B4GALT1: variants seen among roughly 807,000 people sequenced by gnomAD.
B4GALT1 encodes the protein beta-1,4-galactosyltransferase 1.
B4GALT1 carries 16 observed loss-of-function variants against 34.9 expected under a neutral mutation model. The observed-to-expected ratio is 0.46, with a 90% CI of 0.31 to 0.70. The LOEUF is 0.70. Among genes scored for constraint, B4GALT1 ranks in the 30% least tolerant of loss-of-function variants. The pLI, the probability that B4GALT1 is intolerant of heterozygous loss-of-function variation, is 0.05. For missense variants in B4GALT1, 445 were observed against 530.5 expected, an observed-to-expected ratio of 0.84 and a Z score of 1.58; for synonymous variants, 221 against 218.1, an observed-to-expected ratio of 1.01 and a Z score of -0.12.
intron 2 of B4GALT1, among the ~76,000 whole-genome samples, chr9:33,131,873 C>A (rs1026748145): frequency 6.6e-6 from 1 of 152,056 alleles, no homozygotes; most frequent in African/African-American, 2.4e-5. Flanking sequence ...TTCAGGTTTC[C>A]CATTACCATT....
At chr9:33,148,714 G>T (rs1159772920) in intron 1 of B4GALT1, among the ~76,000 whole-genome samples, 1 of 151,734 alleles carries the variant, frequency 6.6e-6, no homozygotes, top group Non-Finnish European at 1.5e-5. Context: ...CTACTAAAAG[G>T]AACTAGAGCT....
downstream of B4GALT1, among the ~76,000 whole-genome samples, chr9:33,107,514 G>T (rs1839807014): frequency 6.6e-6 from 1 of 152,190 alleles, no homozygotes; most frequent in Admixed American, 6.5e-5. Flanking sequence ...CCCAGGGGCA[G>T]CCGCCTCCTT....
rs940076456 is a variant in B4GALT1 at position 33,116,184 on chromosome 9, C to T, written c.837-71G>A. The T allele has an allele frequency of 6.4e-6, 10 of 1,555,728 alleles. No homozygotes were observed. The Admixed American group carries it at 1.4e-4, about 21-fold the overall frequency. ...TCTGACATCCCCAAAATAAAGCTTG[C>T]TGAGAACATAAACACTTTTAAAGTT... On this transcript the variant is annotated intron_variant, in intron 3 of 5. Transcript: ENST00000379731.
chr9:33,177,395 A>T, the B4GALT1 span: 1 of 152,120 alleles, frequency 6.6e-6, no homozygotes, highest in Non-Finnish European at 1.5e-5. Context: ...TCTGGGTGTT[A>T]ATTTGTTTTA....
intron 2 of B4GALT1, among the ~76,000 whole-genome samples, chr9:33,125,598 T>C (rs1840079618): frequency 6.6e-6 from 1 of 152,142 alleles, no homozygotes; most frequent in Non-Finnish European, 1.5e-5. Flanking sequence ...TCCACTTCCA[T>C]GCCCCACCTG....
the B4GALT1 span, among the ~76,000 whole-genome samples, chr9:33,183,270 TA>T: frequency 5.3e-5 from 8 of 151,504 alleles, no homozygotes; most frequent in Admixed American, 3.3e-4. Flanking sequence ...GGTTATCAAA[TA>T]AAAAAAACAT....
the B4GALT1 span, chr9:33,178,782 G>A: frequency 2.0e-5 from 3 of 152,240 alleles, no homozygotes; most frequent in East Asian, 5.8e-4. Context: ...TCTTAAAATT[G>A]TTGGAATATC....
chr9:33,105,846 A>G (rs1839791660), downstream of B4GALT1, among the ~76,000 whole-genome samples: 2 of 136,852 alleles, frequency 1.5e-5, no homozygotes, highest in South Asian at 4.6e-4. Context: ...GTATGTATAT[A>G]CCGCCTTTTG....
intron 1 of B4GALT1, among the ~76,000 whole-genome samples, chr9:33,154,075 A>C (rs1840563404): frequency 6.6e-6 from 1 of 151,318 alleles, no homozygotes; most frequent in Non-Finnish European, 1.5e-5. Context: ...AAGACTACAG[A>C]CCACTATCTG....
intron 3 of B4GALT1, among the ~76,000 whole-genome samples, chr9:33,119,504 C>T (rs952106375): frequency 6.6e-6 from 1 of 152,196 alleles, no homozygotes; most frequent in African/African-American, 2.4e-5. Context: ...ATCACTTGAG[C>T]CCAAGAGTTC....
chr9:33,109,824 G>A (rs78010870), downstream of B4GALT1, among the ~76,000 whole-genome samples: 4,030 of 152,026 alleles, frequency 0.027, 107 homozygotes, highest in East Asian at 0.11. Flanking sequence ...GCTTGTTGGT[G>A]GGGAGAAATC....
intron 3 of B4GALT1, among the ~76,000 whole-genome samples, chr9:33,118,123 G>A (rs1839966206): frequency 6.6e-6 from 1 of 152,214 alleles, no homozygotes; most frequent in African/African-American, 2.4e-5. Context: ...TGTGTTTCAA[G>A]AGAAGAAGAT....
At chr9:33,174,568 A>C in the B4GALT1 span, among the ~76,000 whole-genome samples, 1 of 150,024 alleles carries the variant, frequency 6.7e-6, no homozygotes, top group African/African-American at 2.5e-5. Context: ...AGAATCGCTT[A>C]AACCTGGGAG....
intron 2 of B4GALT1, among the ~76,000 whole-genome samples, chr9:33,132,912 T>C (rs1840214670): frequency 1.3e-5 from 2 of 152,134 alleles, no homozygotes. Flanking sequence ...TTATTTATTT[T>C]ATTTTTTTGA....
chr9:33,120,337 T>C, intron 3 of B4GALT1, 82 bp downstream of exon 3: 1 of 1,523,920 alleles, frequency 6.6e-7, no homozygotes, highest in Non-Finnish European at 9.1e-7. Flanking sequence ...AAAGAGGCAC[T>C]CTTGAGCTGC....
Position 33,112,710 on chromosome 9 carries a change from C to T in B4GALT1, c.*744G>A, listed in dbSNP as rs1158651915. The T allele has an allele frequency of 2.6e-5, 4 of 152,696 alleles. No individual in the cohort carries two copies. Among genetic ancestry groups the T allele is most frequent in the East Asian group, 1.9e-4 (1 of 5,190 alleles). 9.5% of individuals were successfully genotyped at this position (152,696 alleles called of 1,614,324 possible). On this transcript the variant is annotated 3_prime_UTR_variant, in exon 6 of 6. Coordinates refer to ENST00000379731, the MANE Select transcript of B4GALT1 (RefSeq NM_001497.4). The stretch of plus-strand genomic sequence containing the variant: ...ATCAAGCTAGATCATAATTAGAACT[C>T]GATCTGTTCTTTCTTTAAAATACTA...
chr9:33,124,038 C>T (rs1225497848), intron 2 of B4GALT1, among the ~76,000 whole-genome samples: 2 of 152,250 alleles, frequency 1.3e-5, no homozygotes, highest in African/African-American at 2.4e-5. Flanking sequence ...TTAGCAGGTG[C>T]TATCATCTAT....
intron 3 of B4GALT1, among the ~76,000 whole-genome samples, chr9:33,117,958 G>C (rs1226671524): frequency 6.6e-6 from 1 of 152,208 alleles, no homozygotes; most frequent in Non-Finnish European, 1.5e-5. Context: ...TGTCTCTGCT[G>C]CTTTCTCTCC....
intron 1 of B4GALT1, among the ~76,000 whole-genome samples, chr9:33,158,931 G>T (rs1003433703): frequency 6.6e-6 from 1 of 152,188 alleles, no homozygotes; most frequent in Non-Finnish European, 1.5e-5. Flanking sequence ...TCTTCCTGGG[G>T]GGAGGGGGTC....
Sources: allele counts gnomAD v4.1 joint callset (sites outside exome capture counted in the v4.1 genomes callset), GRCh38; gene constraint gnomAD v4.1.1; transcripts MANE v1.5; gene names NCBI Gene and HGNC (gene_info 2026-07-23, HGNC 2026-07-21).